The following TENM1 variants were observed in gnomAD, a reference collection of about 807,000 sequenced individuals.
The protein encoded by TENM1 is teneurin transmembrane protein 1.
In TENM1, 35 loss-of-function variants were observed where a neutral mutation model predicts 174.8. The observed-to-expected ratio is 0.20, with a 90% CI of 0.15 to 0.27. TENM1 has a LOEUF of 0.27. TENM1 is among the 10% of genes least tolerant of loss of function. TENM1 has a pLI of 1.00. For missense variants in TENM1, 1,633 were observed against 2,130.1 expected, an observed-to-expected ratio of 0.77 and a Z score of 4.59; for synonymous variants, 781 against 798.7, an observed-to-expected ratio of 0.98 and a Z score of 0.37.
chrX:124,826,560 G>A (rs764343318), intron 3 of TENM1, among the ~76,000 whole-genome samples: 1 of 111,654 alleles, frequency 9.0e-6, no homozygotes, highest in Admixed American at 9.6e-5. Flanking sequence ...CTTACATGTG[G>A]CAAGTGTTAA....
At chrX:124,586,171 T>C (rs751196089) in intron 11 of TENM1, among the ~76,000 whole-genome samples, 5 of 110,661 alleles carry the variant, frequency 4.5e-5, no homozygotes, top group Admixed American at 2.9e-4. Flanking sequence ...GAGGGAATCC[T>C]CCCTAACTCA....
In TENM1 at chrX:124,646,668, T is replaced by C. The variant is rs1569363578; in HGVS notation, c.1681+41A>G. On this transcript the variant is annotated intron_variant, in intron 9 of 31. Coordinates refer to ENST00000422452, the Ensembl canonical transcript of TENM1. Reference sequence around the variant, plus strand: ...ACTAATTCTGGGTTATGAAATCACATCTATTTTCCTAAACCAATCAGAATA... The same window carrying C: ...ACTAATTCTGGGTTATGAAATCACACCTATTTTCCTAAACCAATCAGAATA... The C allele has an allele frequency of 5.2e-6, 5 of 965,986 alleles. No individual in the cohort carries two copies. In the East Asian group the frequency reaches 1.2e-4, roughly 24 times the overall value. The allele number at this position is 965,986 out of a possible 1,213,427, so 79.6% of individuals were successfully genotyped here.
At chrX:124,828,238 T>C (rs2056211621) in intron 3 of TENM1, among the ~76,000 whole-genome samples, 1 of 112,350 alleles carries the variant, frequency 8.9e-6, no homozygotes, top group Admixed American at 9.4e-5. Context: ...ACAATCCTTC[T>C]GCTCTGATAT....
the TENM1 span, among the ~76,000 whole-genome samples, chrX:125,189,367 G>A: frequency 4.5e-5 from 5 of 112,314 alleles, no homozygotes; most frequent in East Asian, 2.8e-4. Flanking sequence ...GCTAACTACC[G>A]TTTAAGAAAA....
chrX:124,999,727 T>C, the TENM1 span, among the ~76,000 whole-genome samples: 1 of 110,710 alleles, frequency 9.0e-6, no homozygotes, highest in Non-Finnish European at 1.9e-5. Context: ...CAAGGATCTG[T>C]CAAGGCCCAC....
chrX:124,769,863 C>A (rs2054616144), intron 3 of TENM1, among the ~76,000 whole-genome samples: 2 of 111,883 alleles, frequency 1.8e-5, no homozygotes, highest in Admixed American at 9.5e-5. Context: ...ATATTCTTAT[C>A]AATCAGACAC....
the TENM1 span, among the ~76,000 whole-genome samples, chrX:125,077,943 T>C: frequency 2.7e-5 from 3 of 111,629 alleles, no homozygotes; most frequent in Admixed American, 9.5e-5. Context: ...TTGAAACAGA[T>C]GGAGAAAGAC....
intron 3 of TENM1, among the ~76,000 whole-genome samples, chrX:124,836,344 A>C (rs773855709): frequency 2.7e-5 from 3 of 111,480 alleles, no homozygotes; most frequent in Non-Finnish European, 5.7e-5. Context: ...TACTTTAAAA[A>C]CTTTATATCT....
the TENM1 span, among the ~76,000 whole-genome samples, chrX:125,155,022 T>G: frequency 1.8e-5 from 2 of 111,753 alleles, no homozygotes; most frequent in African/African-American, 6.5e-5. Context: ...TTGCCACTGC[T>G]GGCTCGGGCA....
intron 3 of TENM1, among the ~76,000 whole-genome samples, chrX:124,853,873 T>A (rs755094929): frequency 2.7e-5 from 3 of 110,934 alleles, no homozygotes; most frequent in Admixed American, 9.6e-5. Context: ...AAAGAAAACA[T>A]CAAGGAAAGC....
chrX:124,893,910 T>G (rs1308714725), intron 3 of TENM1, among the ~76,000 whole-genome samples: 1 of 111,463 alleles, frequency 9.0e-6, no homozygotes, highest in Admixed American at 9.5e-5. Context: ...CATCTGAAAG[T>G]TATGACAATA....
At chrX:125,183,952 A>C in the TENM1 span, among the ~76,000 whole-genome samples, 1 of 111,727 alleles carries the variant, frequency 9.0e-6, no homozygotes, top group Admixed American at 9.6e-5. Context: ...GGAGTTGTTC[A>C]GCCCAAAGTT....
chrX:124,923,879 A>T (rs1027702738), intron 1 of TENM1, among the ~76,000 whole-genome samples: 1 of 112,101 alleles, frequency 8.9e-6, no homozygotes, highest in Non-Finnish European at 1.9e-5. Flanking sequence ...AAAGGAATAG[A>T]GCCTTGCTGA....
the TENM1 span, among the ~76,000 whole-genome samples, chrX:125,197,922 C>T: frequency 1.8e-5 from 2 of 111,895 alleles, no homozygotes; most frequent in Non-Finnish European, 3.8e-5. Flanking sequence ...TTGCTTACAG[C>T]TACAAATTGA....
intron 3 of TENM1, among the ~76,000 whole-genome samples, chrX:124,766,777 A>G (rs1297667931): frequency 9.0e-6 from 1 of 111,181 alleles, no homozygotes; most frequent in Non-Finnish European, 1.9e-5. Flanking sequence ...AAAAATGCTA[A>G]TTGTGCTTTA....
intron 4 of TENM1, among the ~76,000 whole-genome samples, chrX:124,717,094 G>A (rs748604657): frequency 4.5e-5 from 5 of 111,226 alleles, no homozygotes; most frequent in Admixed American, 1.9e-4. Flanking sequence ...ATGCCCCTCA[G>A]TTAAATTCTT....
At chrX:124,554,741 A>G (rs944299079) in intron 14 of TENM1, among the ~76,000 whole-genome samples, 36 of 112,052 alleles carry the variant, frequency 3.2e-4, no homozygotes, top group African/African-American at 1.1e-3. Flanking sequence ...GTATGTGTTC[A>G]TAACTCACCC....
At chrX:124,435,561 C>T (rs1205876536) in intron 23 of TENM1, among the ~76,000 whole-genome samples, 1 of 111,913 alleles carries the variant, frequency 8.9e-6, no homozygotes, top group Non-Finnish European at 1.9e-5. Flanking sequence ...AACATCACAA[C>T]TCATGATTGT....
chrX:124,981,956 TAAAAAAA>T, the TENM1 span, among the ~76,000 whole-genome samples: 8 of 26,734 alleles, frequency 3.0e-4, 2 homozygotes, highest in Admixed American at 4.2e-4. Context: ...TAGAGTATAA[TAAAAAAA>T]AAAAAAAAAA....
Sources: allele counts gnomAD v4.1 joint callset (sites outside exome capture counted in the v4.1 genomes callset), GRCh38; gene constraint gnomAD v4.1.1; transcripts MANE v1.5; gene names NCBI Gene and HGNC (gene_info 2026-07-23, HGNC 2026-07-21).